OPRM1: variants seen among roughly 807,000 people sequenced by gnomAD.
The protein encoded by OPRM1 is opioid receptor mu 1.
A neutral mutation model predicts 31.8 loss-of-function variants in OPRM1; 27 were observed. The observed-to-expected ratio is 0.85, with a 90% confidence interval of 0.63 to 1.17. The LOEUF (loss-of-function observed/expected upper bound fraction) is 1.17, where lower values mean the gene tolerates loss of function less well. Ranked by LOEUF, OPRM1 falls within the 50% of genes most tolerant of loss-of-function variation. The pLI, the probability that OPRM1 is intolerant of heterozygous loss-of-function variation, is 0.00. For synonymous variants in OPRM1, 196 were observed against 189.9 expected, an observed-to-expected ratio of 1.03 and a Z score of -0.26; for missense variants, 536 against 511.1, an observed-to-expected ratio of 1.05 and a Z score of -0.47.
intron 3 of OPRM1, chr6:154,223,005 T>C: frequency 1.6e-6 from 1 of 628,604 alleles, no homozygotes; most frequent in Non-Finnish European, 2.8e-6. Context: ...AAATGAGAGG[T>C]TAAATGCTTC....
At chr6:154,166,807 T>C (rs1799473555) in intron 3 of OPRM1, among the ~76,000 whole-genome samples, 1 of 152,200 alleles carries the variant, frequency 6.6e-6, no homozygotes, top group Non-Finnish European at 1.5e-5. Context: ...CGCTATGACA[T>C]ATTACATTGA....
At chr6:154,177,832 A>G (rs1377535051) in intron 3 of OPRM1, among the ~76,000 whole-genome samples, 12 of 152,334 alleles carry the variant, frequency 7.9e-5, no homozygotes, top group African/African-American at 2.2e-4. Context: ...ATAAAGACAC[A>G]TGCACACATA....
At chr6:154,181,367 A>C (rs12207740) in intron 3 of OPRM1, among the ~76,000 whole-genome samples, 2 of 152,136 alleles carry the variant, frequency 1.3e-5, no homozygotes, top group Non-Finnish European at 2.9e-5. Flanking sequence ...TTATTTCATT[A>C]TCTTTTAACA....
intron 3 of OPRM1, among the ~76,000 whole-genome samples, chr6:154,152,339 GAAAGAAAGGAAA>G (rs1798541270): frequency 8.3e-5 from 3 of 36,268 alleles, no homozygotes; most frequent in Non-Finnish European, 1.8e-4. Flanking sequence ...AAGAAAGAAA[GAAAGAAAGGAAA>G]GAAAGAAAGA....
chr6:154,019,312 TCA>T (rs146861614), intron 1 of OPRM1, among the ~76,000 whole-genome samples: 68 of 147,290 alleles, frequency 4.6e-4, no homozygotes, highest in Admixed American at 3.4e-4. Context: ...CATTGCTCCC[TCA>T]CACACACACA....
chr6:154,025,171 A>G (rs1054525288), intron 1 of OPRM1, among the ~76,000 whole-genome samples: 19 of 151,994 alleles, frequency 1.3e-4, no homozygotes, highest in African/African-American at 4.6e-4. Context: ...TTTAGCTCTC[A>G]TAATACTTGC....
rs951536578 is a variant in OPRM1 at position 154,124,264 on chromosome 6, A to G, written c.*5543A>G. 6.6e-6 allele frequency among the ~76,000 whole-genome samples: 1 copy of G among 152,262 alleles called. No homozygotes were observed. Among genetic ancestry groups the G allele is most frequent in the East Asian group, 1.9e-4 (1 of 5,206 alleles). ...TTTGAAAGCATCTTCTGACTCAAAT[A>G]TATGAAAAGATTATTCTAGACCTTA... On this transcript the variant is annotated 3_prime_UTR_variant, in exon 4 of 4. Transcript: ENST00000330432.
At chr6:154,013,309 C>T (rs1777829501) in intron 1 of OPRM1, among the ~76,000 whole-genome samples, 1 of 152,152 alleles carries the variant, frequency 6.6e-6, no homozygotes, top group South Asian at 2.1e-4. Context: ...TTATAAATAG[C>T]TATGTTCATT....
chr6:154,102,425 C>T (rs193280242), intron 3 of OPRM1, among the ~76,000 whole-genome samples: 5 of 152,246 alleles, frequency 3.3e-5, no homozygotes, highest in Admixed American at 6.5e-5. Flanking sequence ...CCAAGCCATC[C>T]GGTGAGGCTT....
At chr6:154,035,374 C>T (rs1779244161), upstream of OPRM1, among the ~76,000 whole-genome samples, 1 of 151,998 alleles carries the variant, frequency 6.6e-6, no homozygotes. Context: ...GATATGTATG[C>T]AACAATCCAG....
chr6:154,209,442 GGAGCCACA>G (rs1777779224), intron 3 of OPRM1, among the ~76,000 whole-genome samples: 1 of 151,952 alleles, frequency 6.6e-6, no homozygotes, highest in Admixed American at 6.6e-5. Context: ...CTTGAGCTCA[GGAGCCACA>G]GACCAACCTA....
At chr6:154,086,136 C>T (rs1790502535) in intron 1 of OPRM1, among the ~76,000 whole-genome samples, 1 of 152,138 alleles carries the variant, frequency 6.6e-6, no homozygotes, top group African/African-American at 2.4e-5. Context: ...CCAGGCCCAG[C>T]CCACATTACT....
intron 3 of OPRM1, among the ~76,000 whole-genome samples, chr6:154,187,577 G>A (rs1474134850): frequency 6.6e-6 from 1 of 152,164 alleles, no homozygotes; most frequent in Non-Finnish European, 1.5e-5. Flanking sequence ...AGTAGTTATT[G>A]AAAAACATGT....
intron 3 of OPRM1, among the ~76,000 whole-genome samples, chr6:154,150,130 G>A (rs1454900789): frequency 1.3e-5 from 2 of 152,152 alleles, no homozygotes; most frequent in East Asian, 3.9e-4. Context: ...TGGCAGTTCT[G>A]ACAACTCATC....
intron 3 of OPRM1, among the ~76,000 whole-genome samples, chr6:154,229,148 T>G (rs182462293): frequency 4.1e-4 from 63 of 152,352 alleles, no homozygotes; most frequent in African/African-American, 1.4e-3. Flanking sequence ...TCTGGTTGTT[T>G]GTCTGCTTCT....
rs542598373 is a variant in OPRM1 at position 154,115,677 on chromosome 6, A to G, written c.1165-3006A>G. 1.6e-3 allele frequency among the ~76,000 whole-genome samples: 241 copies of G among 152,324 alleles called. 1 individual carries two copies. Among genetic ancestry groups the G allele is most frequent in the African/African-American group, 5.5e-3 (229 of 41,584 alleles). ...AGAGCTTGTCCTTAAAGGAGTCTAA[A>G]TCAGGATATAGAAGTTTAAAGTTAG... On this transcript the variant is annotated intron_variant, in intron 3 of 3. Transcript: ENST00000330432.
At chr6:154,245,734 G>C (rs191505248) in intron 3 of OPRM1, among the ~76,000 whole-genome samples, 204 of 152,104 alleles carry the variant, frequency 1.3e-3, no homozygotes, top group African/African-American at 4.6e-3. Context: ...TACTACAAAG[G>C]GACTCACACT....
intron 1 of OPRM1, among the ~76,000 whole-genome samples, chr6:154,012,641 G>T (rs1777791199): frequency 6.6e-6 from 1 of 151,952 alleles, no homozygotes; most frequent in African/African-American, 2.4e-5. Context: ...TTTCAGCAAT[G>T]TTCAAAAGTT....
chr6:154,060,304 CATG>C (rs1200547056), intron 1 of OPRM1, among the ~76,000 whole-genome samples: 1 of 152,150 alleles, frequency 6.6e-6, no homozygotes, highest in East Asian at 1.9e-4. Context: ...AGTAACCAGG[CATG>C]TCGGTGGTAC....
Sources: gnomAD v4.1 joint callset for allele counts (sites outside exome capture counted in the v4.1 genomes callset) on GRCh38, gnomAD v4.1.1 for gene constraint, MANE v1.5 for transcripts, NCBI Gene and HGNC (gene_info 2026-07-23, HGNC 2026-07-21) for gene names.